Variants in EDIL3 observed in about 807,000 individuals in gnomAD.
EDIL3 encodes the protein EGF-like repeat and discoidin I-like domain-containing protein 3.
Under a neutral mutation model 67.4 loss-of-function variants are expected in EDIL3, and 37 were observed. That is an observed-to-expected ratio of 0.55 (90% CI 0.42 to 0.72). The LOEUF is 0.72. EDIL3 is among the 30% of genes least tolerant of loss of function. The probability of loss-of-function intolerance (pLI) is 0.00; values close to 1 mark genes in which losing one functional copy is unlikely to be tolerated. For missense variants in EDIL3, 527 were observed against 586.3 expected, an observed-to-expected ratio of 0.90 and a Z score of 1.04; for synonymous variants, 195 against 196.3, an observed-to-expected ratio of 0.99 and a Z score of 0.05.
At chr5:84,160,796 TTTCCTTTCC>T (rs1360699876) in intron 4 of EDIL3, among the ~76,000 whole-genome samples, 13 of 79,692 alleles carry the variant, frequency 1.6e-4, no homozygotes, top group African/African-American at 5.5e-4. Flanking sequence ...TTTCCTTTCC[TTTCCTTTCC>T]TTTCCTTTCC....
At chr5:84,308,430 T>C (rs1186563406) in intron 1 of EDIL3, among the ~76,000 whole-genome samples, 2 of 152,190 alleles carry the variant, frequency 1.3e-5, no homozygotes, top group Non-Finnish European at 2.9e-5. Context: ...ATTCCTAATG[T>C]GTCTAGTTAC....
intron 5 of EDIL3, among the ~76,000 whole-genome samples, chr5:84,132,324 T>C (rs1580341837): frequency 9.8e-6 from 1 of 102,030 alleles, no homozygotes; most frequent in Non-Finnish European, 1.8e-5. Context: ...ATATATATTT[T>C]ATATAATATA....
chr5:84,240,774 T>C (rs1003350720), intron 2 of EDIL3, among the ~76,000 whole-genome samples: 2 of 152,138 alleles, frequency 1.3e-5, no homozygotes, highest in Admixed American at 1.3e-4. Context: ...ATTACCTTCC[T>C]GGTCTTGCTC....
intron 5 of EDIL3, among the ~76,000 whole-genome samples, chr5:84,130,847 C>A (rs1747952546): frequency 6.6e-6 from 1 of 151,924 alleles, no homozygotes; most frequent in Admixed American, 6.6e-5. Flanking sequence ...TTTTGATAGC[C>A]TTTTACAAAA....
At chr5:84,056,514 C>G in intron 9 of EDIL3, among the ~76,000 whole-genome samples, 1 of 136,258 alleles carries the variant, frequency 7.3e-6, no homozygotes, top group East Asian at 2.1e-4. Flanking sequence ...TGAATACATA[C>G]GAATTCCCAA....
At chr5:84,303,844 G>GTGTT (rs1746211384) in intron 1 of EDIL3, among the ~76,000 whole-genome samples, 2 of 136,278 alleles carry the variant, frequency 1.5e-5, no homozygotes, top group Non-Finnish European at 1.6e-5. Context: ...GTGTGTGTGT[G>GTGTT]TGTGTTTGTG....
intron 9 of EDIL3, among the ~76,000 whole-genome samples, chr5:83,966,421 C>T: frequency 6.6e-6 from 1 of 151,974 alleles, no homozygotes; most frequent in East Asian, 1.9e-4. Context: ...TTCTAGCTAC[C>T]TTTCTCTAGT....
At chr5:84,031,345 T>C (rs538400578) in intron 9 of EDIL3, among the ~76,000 whole-genome samples, 3 of 152,336 alleles carry the variant, frequency 2.0e-5, no homozygotes, top group South Asian at 2.1e-4. Flanking sequence ...ACTGGATGTT[T>C]TGGCATTAAG....
chr5:84,312,288 AC>A (rs1412062495), intron 1 of EDIL3, among the ~76,000 whole-genome samples: 1 of 111,886 alleles, frequency 8.9e-6, no homozygotes, highest in African/African-American at 3.7e-5. Flanking sequence ...GCGGGGGCTG[AC>A]CCCCCCACCT....
chr5:84,125,537 T>C (rs1343176627), intron 5 of EDIL3, among the ~76,000 whole-genome samples: 1 of 152,032 alleles, frequency 6.6e-6, no homozygotes, highest in Non-Finnish European at 1.5e-5. Context: ...TGAACTCTGA[T>C]ACAAGAAAGG....
intron 1 of EDIL3, among the ~76,000 whole-genome samples, chr5:84,344,889 T>C (rs966871278): frequency 1.3e-5 from 2 of 152,134 alleles, no homozygotes; most frequent in African/African-American, 4.8e-5. Context: ...GATTTAAACA[T>C]TTTATGTTAG....
intron 4 of EDIL3, among the ~76,000 whole-genome samples, chr5:84,176,197 TAATATATATATA>T (rs201148566): frequency 0.52 from 55,562 of 106,484 alleles, 13,297 homozygotes; most frequent in East Asian, 0.73. Flanking sequence ...TATATATATA[TAATATATATATA>T]TATATATATA....
intron 9 of EDIL3, among the ~76,000 whole-genome samples, chr5:83,968,409 T>A (rs534698475): frequency 6.6e-6 from 1 of 152,206 alleles, no homozygotes; most frequent in African/African-American, 2.4e-5. Flanking sequence ...TAGCAATTGC[T>A]TTTTTCATGT....
intron 1 of EDIL3, among the ~76,000 whole-genome samples, chr5:84,258,525 T>C (rs1025251896): frequency 3.9e-5 from 6 of 152,216 alleles, no homozygotes; most frequent in African/African-American, 1.2e-4. Flanking sequence ...AAGGCTCAAG[T>C]AGGGTCCTGA....
At chr5:83,997,289 T>A (rs891656199) in intron 9 of EDIL3, among the ~76,000 whole-genome samples, 14 of 152,230 alleles carry the variant, frequency 9.2e-5, no homozygotes, top group Non-Finnish European at 1.8e-4. Flanking sequence ...AGGAAGAACA[T>A]GCAGTAGTTA....
intron 1 of EDIL3, among the ~76,000 whole-genome samples, chr5:84,367,754 G>C (rs1409724935): frequency 6.6e-6 from 1 of 152,166 alleles, no homozygotes; most frequent in Non-Finnish European, 1.5e-5. Context: ...GTGCACTCCA[G>C]CCGTAGATGA....
chr5:84,312,669 C>G (rs1306972961), intron 1 of EDIL3, among the ~76,000 whole-genome samples: 1 of 151,762 alleles, frequency 6.6e-6, no homozygotes, highest in Non-Finnish European at 1.5e-5. Flanking sequence ...CTCCTCACTT[C>G]CAAGTAGGGG....
intron 2 of EDIL3, among the ~76,000 whole-genome samples, chr5:84,239,457 A>G (rs1371148111): frequency 6.6e-6 from 1 of 151,730 alleles, no homozygotes; most frequent in Admixed American, 6.6e-5. Flanking sequence ...TTTTAATTAT[A>G]TTTTAAGTTC....
intron 5 of EDIL3, among the ~76,000 whole-genome samples, chr5:84,128,299 C>T (rs1747901695): frequency 6.6e-6 from 1 of 152,066 alleles, no homozygotes; most frequent in Non-Finnish European, 1.5e-5. Context: ...TCTTTCTTCT[C>T]TTCTGAGAAA....
Sources: allele counts gnomAD v4.1 joint callset (sites outside exome capture counted in the v4.1 genomes callset), GRCh38; gene constraint gnomAD v4.1.1; transcripts MANE v1.5; gene names NCBI Gene and HGNC (gene_info 2026-07-23, HGNC 2026-07-21).